The following TRDN variants were observed in gnomAD, a reference collection of about 807,000 sequenced individuals.
TRDN encodes triadin in skeletal muscle.
In TRDN, 161 loss-of-function variants were observed where a neutral mutation model predicts 149.7. The observed-to-expected ratio is 1.08, with a 90% CI of 0.95 to 1.23. TRDN has a LOEUF of 1.23. Among genes scored for constraint, TRDN ranks in the 50% most tolerant of loss-of-function variants. The pLI is 0.00. For missense variants in TRDN, 896 were observed against 823.5 expected, an observed-to-expected ratio of 1.09 and a Z score of -1.08; for synonymous variants, 294 against 250.5, an observed-to-expected ratio of 1.17 and a Z score of -1.64.
chr6:123,609,504 T>C (rs747770583), intron 1 of TRDN, among the ~76,000 whole-genome samples: 1 of 152,138 alleles, frequency 6.6e-6, no homozygotes, highest in Non-Finnish European at 1.5e-5. Context: ...TGTGTATTTA[T>C]AAAAAAAGAA....
At chr6:123,242,822 C>T (rs77446255) in intron 38 of TRDN, among the ~76,000 whole-genome samples, 2,497 of 152,036 alleles carry the variant, frequency 0.016, 27 homozygotes, top group Middle Eastern at 0.044. Flanking sequence ...TGGGAGAGTT[C>T]CTCAACTCTT....
At chr6:123,355,425 G>T (rs975877562) in intron 20 of TRDN, among the ~76,000 whole-genome samples, 1 of 151,532 alleles carries the variant, frequency 6.6e-6, no homozygotes, top group African/African-American at 2.4e-5. Context: ...AAATTTAGCA[G>T]TACAATCCAC....
intron 1 of TRDN, among the ~76,000 whole-genome samples, chr6:123,601,400 C>G (rs551262471): frequency 6.6e-6 from 1 of 152,088 alleles, no homozygotes; most frequent in African/African-American, 2.4e-5. Flanking sequence ...GTATGCATAC[C>G]CATAGGATTT....
At chr6:123,599,388 AT>A (rs1784178866) in intron 1 of TRDN, among the ~76,000 whole-genome samples, 1 of 152,084 alleles carries the variant, frequency 6.6e-6, no homozygotes, top group African/African-American at 2.4e-5. Flanking sequence ...TGCTAAACTC[AT>A]TCATAACTAC....
At chr6:123,377,168 T>C (rs570081727) in intron 18 of TRDN, among the ~76,000 whole-genome samples, 8 of 152,322 alleles carry the variant, frequency 5.3e-5, no homozygotes, top group Non-Finnish European at 1.0e-4. Flanking sequence ...AAATATATTT[T>C]GGGCAAAATC....
chr6:123,438,170 A>T, intron 11 of TRDN, 48 bp from the exon 12 acceptor site: 1 of 1,418,098 alleles, frequency 7.1e-7, no homozygotes, highest in African/African-American at 1.4e-5. Flanking sequence ...TTTAACTTGC[A>T]AATATTTCAG....
intron 38 of TRDN, among the ~76,000 whole-genome samples, chr6:123,233,056 C>G (rs1236385652): frequency 1.3e-5 from 2 of 152,082 alleles, no homozygotes; most frequent in Non-Finnish European, 2.9e-5. Flanking sequence ...TTCCTCAGCC[C>G]TCTTCCTTTA....
At chr6:123,269,534 A>G (rs1253803423) in intron 31 of TRDN, among the ~76,000 whole-genome samples, 1 of 151,882 alleles carries the variant, frequency 6.6e-6, no homozygotes, top group Non-Finnish European at 1.5e-5. Flanking sequence ...CCCTCTTTTA[A>G]TATTAACCAC....
chr6:123,631,380 C>T (rs1785997183), intron 1 of TRDN, among the ~76,000 whole-genome samples: 1 of 151,936 alleles, frequency 6.6e-6, no homozygotes, highest in South Asian at 2.1e-4. Context: ...TTTCCCATGA[C>T]CTATCTCAAA....
chr6:123,463,285 C>T (rs1463578916), intron 10 of TRDN, among the ~76,000 whole-genome samples: 2 of 150,450 alleles, frequency 1.3e-5, no homozygotes, highest in African/African-American at 4.9e-5. Flanking sequence ...TGCAGTGAGC[C>T]GAGATGGTGC....
intron 5 of TRDN, 61 bp from the exon 6 acceptor site, chr6:123,516,267 G>T: frequency 7.3e-7 from 1 of 1,360,908 alleles, no homozygotes; most frequent in Non-Finnish European, 9.6e-7. Flanking sequence ...GGAGATGTTT[G>T]CACGGCAGTC....
At chr6:123,471,158 T>C (rs1777128320) in intron 9 of TRDN, 1 of 152,172 alleles carries the variant, frequency 6.6e-6, no homozygotes, top group Admixed American at 6.5e-5. Context: ...CACAGTACGT[T>C]TTAAAGTAGA....
At position 123,348,699 on chromosome 6, in the gene TRDN, G is replaced by A. The variant is rs199709606; in HGVS notation, c.1369+3840C>T. ...AAGGGAAAAAGAGATACAACCTACT[G>A]TGGCTTCAGCATAATAGCAGGAGTG... On this transcript the variant is annotated intron_variant, in intron 21 of 40. Transcript: ENST00000334268. Among the ~76,000 whole-genome samples, 12 of 152,208 alleles carry A rather than the reference G, an allele frequency of 7.9e-5. No homozygotes were observed. The East Asian group carries it at 2.3e-3, about 29-fold the overall frequency.
chr6:123,514,631 A>AACACACACACACACACACACACAC (rs60716520), intron 6 of TRDN, among the ~76,000 whole-genome samples: 1 of 147,492 alleles, frequency 6.8e-6, no homozygotes, highest in Non-Finnish European at 1.5e-5. Context: ...ACATACCCAA[A>AACACACACACACACACACACACAC]ACACACACAC....
At chr6:123,235,143 G>T (rs1330181766) in intron 38 of TRDN, among the ~76,000 whole-genome samples, 1 of 152,092 alleles carries the variant, frequency 6.6e-6, no homozygotes, top group African/African-American at 2.4e-5. Context: ...AAATCTACAA[G>T]GAATCAAAGT....
At chr6:123,571,972 G>T (rs1472195541) in intron 1 of TRDN, among the ~76,000 whole-genome samples, 1 of 152,200 alleles carries the variant, frequency 6.6e-6, no homozygotes, top group East Asian at 1.9e-4. Flanking sequence ...TTCTTTAGGA[G>T]AAAGTCCTAA....
At chr6:123,574,195 T>C (rs1229849974) in intron 1 of TRDN, among the ~76,000 whole-genome samples, 1 of 151,976 alleles carries the variant, frequency 6.6e-6, no homozygotes, top group Non-Finnish European at 1.5e-5. Flanking sequence ...TTAATTAAGA[T>C]GTTTAAATGG....
In TRDN at chr6:123,510,642, C is replaced by CTTTTT. The variant is rs145396385; in HGVS notation, c.610+1656_610+1660dup. Among the ~76,000 whole-genome samples the CTTTTT allele has an allele frequency of 5.6e-3, 781 of 138,464 alleles. 4 individuals carry two copies. Among genetic ancestry groups the CTTTTT allele is most frequent in the African/African-American group, 0.02 (763 of 37,406 alleles). 90.8% of individuals were successfully genotyped at this position (138,464 alleles called of 152,430 possible). A position where few individuals can be genotyped will look rare whatever the true frequency, so the allele number is the denominator to read the frequency against. ...ATTGATCAAGATTTATGCATGACCA[C>CTTTTT]TTTTTTTTTTTTTTTTTTATTTAGA... On this transcript the variant is annotated intron_variant, in intron 7 of 40. Transcript: ENST00000334268.
At chr6:123,304,536 G>A (rs1778541426) in intron 24 of TRDN, among the ~76,000 whole-genome samples, 1 of 152,082 alleles carries the variant, frequency 6.6e-6, no homozygotes, top group South Asian at 2.1e-4. Context: ...AAAGGCGTGA[G>A]ACACTGCGCC....
Sources: allele counts gnomAD v4.1 joint callset (sites outside exome capture counted in the v4.1 genomes callset), GRCh38; gene constraint gnomAD v4.1.1; transcripts MANE v1.5; gene names NCBI Gene and HGNC (gene_info 2026-07-23, HGNC 2026-07-21).